Variants in RBM41 observed in about 807,000 individuals in gnomAD.
RBM41 encodes RNA binding motif protein 41.
RBM41 carries 14 observed loss-of-function variants against 30.8 expected under a neutral mutation model. The observed-to-expected ratio is 0.45, with a 90% confidence interval of 0.30 to 0.71. The LOEUF (loss-of-function observed/expected upper bound fraction) is 0.71. Ranked by LOEUF, RBM41 falls within the 30% of genes least tolerant of loss-of-function variation. The pLI, the probability that RBM41 is intolerant of heterozygous loss-of-function variation, is 0.08. For synonymous variants in RBM41, 120 were observed against 110.1 expected, an observed-to-expected ratio of 1.09 and a Z score of -0.56; for missense variants, 276 against 326.3, an observed-to-expected ratio of 0.85 and a Z score of 1.19.
chrX:107,076,049 G>T (rs1347392238), intron 6 of RBM41, among the ~76,000 whole-genome samples: 6 of 111,106 alleles, frequency 5.4e-5, no homozygotes, highest in Non-Finnish European at 1.1e-4. Flanking sequence ...TGGGTGTGGT[G>T]GCTCACGCCT....
At chrX:107,073,952 T>C (rs1569326882) in intron 6 of RBM41, among the ~76,000 whole-genome samples, 1 of 111,401 alleles carries the variant, frequency 9.0e-6, no homozygotes, top group Non-Finnish European at 1.9e-5. Context: ...GAACAGAGGA[T>C]ACTAGAGGCT....
downstream of RBM41, among the ~76,000 whole-genome samples, chrX:107,060,635 T>C (rs1935625073): frequency 1.8e-5 from 2 of 111,330 alleles, no homozygotes; most frequent in Non-Finnish European, 3.8e-5. Context: ...CCTCCATTTT[T>C]TTTTATTGTT....
chrX:107,116,742 A>G lies in RBM41; in HGVS notation c.33T>C (p.Asp11=), dbSNP rs1487106389. The change falls in exon 2 of 8, where the codon GAT becomes GAC. Residue 11 remains aspartate (D), a synonymous_variant. Coordinates refer to ENST00000685964, the MANE Select transcript of RBM41 (RefSeq NM_001324242.2). MKRVNSCVKS[D]EHVLEELETE... ...TTTCCAGCTCCTCCAGGACATGCTC[A>G]TCACTCTTCACACAGCTGTTTACCC... 3 of 1,209,100 alleles carry G rather than the reference A, an allele frequency of 2.5e-6. No individual in the cohort carries two copies. The highest frequency in any genetic ancestry group is 4.4e-5 in the Admixed American group (2 of 45,780).
rs1569348328 is a variant in RBM41 at position 107,115,900 on chromosome X, C to T, written c.280G>A (p.Glu94Lys). The change falls in exon 3 of 8, where the codon GAA (glutamate) becomes AAA (lysine). Residue 94 changes from glutamate to lysine, a missense_variant. Coordinates refer to ENST00000685964, the MANE Select transcript of RBM41 (RefSeq NM_001324242.2). ...ACATGGCTCTTCCAGATCAAGATTT[C>T]TGTTTCATTAAGCCCTAATTCCCTG... The part of the protein sequence containing the change: ...SLRELGLNET[E>K]ILIWKSHVSG... The T allele has an allele frequency of 5.0e-6, 6 of 1,203,081 alleles. No homozygotes were observed. Among genetic ancestry groups the T allele is most frequent in the Non-Finnish European group, 4.5e-6 (4 of 891,025 alleles).
chrX:107,116,748 C>T lies in RBM41; in HGVS notation c.27G>A (p.Lys9=), dbSNP rs1022037844. 1 of 1,208,570 alleles carries T rather than the reference C, an allele frequency of 8.3e-7. No individual in the cohort carries two copies. Among genetic ancestry groups the T allele is most frequent in the African/African-American group, 1.7e-5 (1 of 57,251 alleles). MKRVNSCV[K]SDEHVLEELE... is the part of the protein sequence containing the mutation. ...GCTCCTCCAGGACATGCTCATCACT[C>T]TTCACACAGCTGTTTACCCTGGAGT... The change falls in exon 2 of 8, where the codon AAG becomes AAA. Residue 9 remains lysine (K), a synonymous_variant. Coordinates refer to ENST00000685964, the MANE Select transcript of RBM41 (RefSeq NM_001324242.2).
chrX:107,116,271 C>T (rs1298736518), intron 2 of RBM41: 6 of 935,845 alleles, frequency 6.4e-6, no homozygotes, highest in Non-Finnish European at 6.7e-6. Flanking sequence ...TTATTGAGTA[C>T]TTACTATGCA....
chrX:107,103,670 C>T (rs748470011), intron 5 of RBM41, among the ~76,000 whole-genome samples: 1 of 111,799 alleles, frequency 8.9e-6, no homozygotes, highest in Non-Finnish European at 1.9e-5. Flanking sequence ...AAAGGGCAAA[C>T]TATTGATACA....
rs777917665 is a variant in RBM41, at chrX:107,081,566, T to C, written c.999+6870A>G. ...CACAAAATAACATTCTGGGATTTCATTGGGATTGTGTGGAATCTACAAATC... is the reference window on the plus strand; with the variant it reads ...CACAAAATAACATTCTGGGATTTCACTGGGATTGTGTGGAATCTACAAATC... On this transcript the variant is annotated intron_variant, in intron 6 of 7. Coordinates refer to ENST00000685964, the MANE Select transcript of RBM41 (RefSeq NM_001324242.2). Among the ~76,000 whole-genome samples, 301 of 112,186 alleles carry C rather than the reference T, an allele frequency of 2.7e-3. 2 individuals are homozygous for C. Among genetic ancestry groups the C allele is most frequent in the African/African-American group, 9.3e-3 (287 of 31,020 alleles).
Position 107,066,794 on chromosome X carries a change from T to C in RBM41, c.*733A>G, listed in dbSNP as rs1788865609. The C allele has an allele frequency of 2.4e-5, 18 of 738,462 alleles. No individual in the cohort carries two copies. The highest frequency in any genetic ancestry group is 2.4e-5 in the Non-Finnish European group (15 of 626,325). The allele number at this position is 738,462 out of a possible 1,213,427, so 60.9% of individuals were successfully genotyped here. A position where few individuals can be genotyped will look rare whatever the true frequency, so the allele number is the denominator to read the frequency against. Reference sequence around the variant, plus strand: ...CGTTTGGCATTCTTTGCTTGTATGTTCCTCTTCTAAAATTCATATGCCTAA... The same window carrying C: ...CGTTTGGCATTCTTTGCTTGTATGTCCCTCTTCTAAAATTCATATGCCTAA... On this transcript the variant is annotated 3_prime_UTR_variant, in exon 8 of 8. Coordinates refer to ENST00000685964, the MANE Select transcript of RBM41 (RefSeq NM_001324242.2).
At chrX:107,052,966 G>T in the RBM41 span, among the ~76,000 whole-genome samples, 2 of 112,333 alleles carry the variant, frequency 1.8e-5, no homozygotes, top group South Asian at 7.5e-4. Flanking sequence ...TCTTTTGGCG[G>T]TTAGCAAGTC....
the RBM41 span, among the ~76,000 whole-genome samples, chrX:107,055,157 T>A: frequency 8.9e-6 from 1 of 112,180 alleles, no homozygotes; most frequent in Non-Finnish European, 1.9e-5. Flanking sequence ...ACAAACATTG[T>A]AGCATGTATC....
At chrX:107,056,534 GT>G in the RBM41 span, among the ~76,000 whole-genome samples, 4 of 111,229 alleles carry the variant, frequency 3.6e-5, no homozygotes, top group African/African-American at 1.3e-4. Context: ...TCTTTGTTAG[GT>G]TTTTGATTAC....
intron 5 of RBM41, among the ~76,000 whole-genome samples, chrX:107,104,339 G>GT (rs1923750673): frequency 9.0e-6 from 1 of 111,175 alleles, no homozygotes; most frequent in Non-Finnish European, 1.9e-5. Flanking sequence ...TGATAGATGG[G>GT]TATGGGTATA....
chrX:107,115,517 G>C lies in RBM41; in HGVS notation c.358C>G (p.Arg120Gly). 1.7e-6 allele frequency: 2 copies of C among 1,211,081 alleles called. No individual in the cohort carries two copies. Among genetic ancestry groups the C allele is most frequent in the Non-Finnish European group, 2.2e-6 (2 of 894,982 alleles). ...LRATPEAIQN[R>G]LQDIEERISE... ...ATCCTTTCTTCAATATCTTGAAGAC[G>C]GTTCTGTATTGCTTCAGGAGTTGCC... The change falls in exon 4 of 8, where the codon CGT becomes GGT. Residue 120 changes from arginine to glycine, a missense_variant. Transcript: ENST00000685964.
the RBM41 span, among the ~76,000 whole-genome samples, chrX:107,054,280 C>T: frequency 9.0e-6 from 1 of 111,558 alleles, no homozygotes; most frequent in African/African-American, 3.3e-5. Context: ...ACTAAGACTC[C>T]TACTGCTGCC....
intron 1 of RBM41, 33 bp downstream of exon 1, chrX:107,118,733 C>T (rs760264646): frequency 2.6e-5 from 32 of 1,209,347 alleles, no homozygotes; most frequent in Non-Finnish European, 3.6e-5. Flanking sequence ...AACAAAGCTC[C>T]CCTTGCCGCC....
At chrX:107,070,801 C>T (rs888929188) in intron 6 of RBM41, among the ~76,000 whole-genome samples, 2 of 110,483 alleles carry the variant, frequency 1.8e-5, no homozygotes, top group African/African-American at 6.6e-5. Context: ...ATGAGAGGAT[C>T]GCTTGAGTCC....
intron 5 of RBM41, among the ~76,000 whole-genome samples, chrX:107,089,399 T>G (rs1922323657): frequency 8.9e-6 from 1 of 112,089 alleles, no homozygotes; most frequent in African/African-American, 3.2e-5. Flanking sequence ...GATGGTGTTG[T>G]TTAACTTGTT....
chrX:107,115,789 T>A (rs185206515), intron 3 of RBM41, 73 bp downstream of exon 3: 2 of 1,081,598 alleles, frequency 1.8e-6, no homozygotes, highest in East Asian at 3.1e-5. Flanking sequence ...AGGCTCTCAG[T>A]GCTAAAATGA....
Sources: gnomAD v4.1 joint callset for allele counts (sites outside exome capture counted in the v4.1 genomes callset) on GRCh38, gnomAD v4.1.1 for gene constraint, MANE v1.5 for transcripts, NCBI Gene and HGNC (gene_info 2026-07-23, HGNC 2026-07-21) for gene names.